CTNNA3: variants seen among roughly 807,000 people sequenced by gnomAD.
CTNNA3 encodes the protein catenin alpha-3.
CTNNA3 carries 76 observed loss-of-function variants against 95.7 expected under a neutral mutation model. That is an observed-to-expected ratio of 0.79 (90% CI 0.66 to 0.96). The LOEUF is 0.96. CTNNA3 is among the 40% of genes least tolerant of loss of function. The pLI is 0.00. For synonymous variants in CTNNA3, 431 were observed against 374.4 expected, an observed-to-expected ratio of 1.15 and a Z score of -1.74; for missense variants, 1,191 against 1,089.8, an observed-to-expected ratio of 1.09 and a Z score of -1.31.
At chr10:67,408,537 A>G (rs1484058277) in intron 5 of CTNNA3, among the ~76,000 whole-genome samples, 1 of 152,218 alleles carries the variant, frequency 6.6e-6, no homozygotes, top group Non-Finnish European at 1.5e-5. Context: ...AGCCCTATGT[A>G]GAAAATTAAA....
intron 15 of CTNNA3, among the ~76,000 whole-genome samples, chr10:66,068,690 T>C (rs974026403): frequency 3.3e-5 from 5 of 152,132 alleles, no homozygotes; most frequent in South Asian, 2.1e-4. Context: ...ACTGAATTAT[T>C]TTAGTTGTTA....
At chr10:66,749,202 C>CAAAAAA (rs35568730) in intron 9 of CTNNA3, among the ~76,000 whole-genome samples, 426 of 50,724 alleles carry the variant, frequency 8.4e-3, no homozygotes, top group Middle Eastern at 0.062. Context: ...AACTCCAACT[C>CAAAAAA]AAAAAAAAAA....
chr10:67,602,625 A>C (rs955934042), intron 3 of CTNNA3, among the ~76,000 whole-genome samples: 2 of 152,224 alleles, frequency 1.3e-5, no homozygotes, highest in Non-Finnish European at 2.9e-5. Context: ...TCTCTTTGAG[A>C]ACTTCTCTTT....
intron 12 of CTNNA3, among the ~76,000 whole-genome samples, chr10:66,329,400 G>A (rs2092297534): frequency 6.6e-6 from 1 of 151,986 alleles, no homozygotes; most frequent in South Asian, 2.1e-4. Context: ...TCAGCCAGAA[G>A]CACCCTTACA....
chr10:66,461,221 A>G (rs1354239108), intron 11 of CTNNA3, among the ~76,000 whole-genome samples: 1 of 152,116 alleles, frequency 6.6e-6, no homozygotes, highest in South Asian at 2.1e-4. Flanking sequence ...AGGGTATCTG[A>G]TAAAGACTGA....
intron 7 of CTNNA3, among the ~76,000 whole-genome samples, chr10:67,030,483 A>G (rs1469571142): frequency 6.6e-6 from 1 of 152,134 alleles, no homozygotes; most frequent in Non-Finnish European, 1.5e-5. Context: ...TAATATATTC[A>G]CACCCACACA....
Position 67,692,736 on chromosome 10 carries a change from T to TAAA in CTNNA3, c.-6+3261_-6+3263dup, listed in dbSNP as rs200961420. On this transcript the variant is annotated intron_variant, in intron 1 of 17. Coordinates refer to ENST00000433211, the MANE Select transcript of CTNNA3 (RefSeq NM_013266.4). Reference sequence around the variant, plus strand: ...GCGAGAAACACCCAAGAATGATCAATAAAAAAAAAAAAAAAAAAAAAAGTC... The same window carrying TAAA: ...GCGAGAAACACCCAAGAATGATCAATAAAAAAAAAAAAAAAAAAAAAAAAAGTC... Among the ~76,000 whole-genome samples the TAAA allele has an allele frequency of 2.4e-3, 190 of 80,758 alleles. 3 individuals are homozygous for TAAA. Among genetic ancestry groups the TAAA allele is most frequent in the Middle Eastern group, 7.5e-3 (1 of 134 alleles). 53.0% of individuals were successfully genotyped at this position (80,758 alleles called of 152,430 possible). A position where few individuals can be genotyped will look rare whatever the true frequency, so the allele number is the denominator to read the frequency against.
intron 13 of CTNNA3, among the ~76,000 whole-genome samples, chr10:66,230,209 T>A (rs891261139): frequency 1.1e-4 from 16 of 152,216 alleles, no homozygotes; most frequent in Non-Finnish European, 2.1e-4. Context: ...TAAATTTGGG[T>A]CTGTTACTGG....
At chr10:67,133,201 T>G (rs902545645) in intron 7 of CTNNA3, among the ~76,000 whole-genome samples, 1 of 150,084 alleles carries the variant, frequency 6.7e-6, no homozygotes, top group Admixed American at 6.7e-5. Flanking sequence ...GGTGAAACAT[T>G]GTATGTCAAT....
intron 1 of CTNNA3, among the ~76,000 whole-genome samples, chr10:67,652,552 T>C (rs566733312): frequency 6.6e-6 from 1 of 152,306 alleles, no homozygotes; most frequent in African/African-American, 2.4e-5. Context: ...ATGTATATAG[T>C]GAAACCAAGT....
intron 5 of CTNNA3, chr10:67,346,841 C>A: frequency 3.1e-6 from 1 of 323,226 alleles, no homozygotes. Context: ...CCACTGATAT[C>A]AATGCCACAT....
At chr10:66,003,523 G>T (rs747729827) in intron 15 of CTNNA3, among the ~76,000 whole-genome samples, 54 of 152,034 alleles carry the variant, frequency 3.6e-4, no homozygotes, top group Non-Finnish European at 6.3e-4. Flanking sequence ...ATTTCATGGA[G>T]GGGGAAAAAT....
intron 10 of CTNNA3, among the ~76,000 whole-genome samples, chr10:66,571,942 CA>C (rs1842878640): frequency 6.6e-6 from 1 of 152,138 alleles, no homozygotes. Context: ...AGTGTGTATT[CA>C]TACTAGTTGT....
At chr10:67,332,137 C>T (rs892396701) in intron 5 of CTNNA3, among the ~76,000 whole-genome samples, 3 of 152,094 alleles carry the variant, frequency 2.0e-5, no homozygotes, top group African/African-American at 4.8e-5. Flanking sequence ...GAGATGTAGA[C>T]AAAATATTTA....
At chr10:66,010,237 A>G (rs746929269) in intron 15 of CTNNA3, among the ~76,000 whole-genome samples, 1 of 152,190 alleles carries the variant, frequency 6.6e-6, no homozygotes, top group East Asian at 1.9e-4. Flanking sequence ...AATCAGTTCC[A>G]AATAGAAACT....
intron 11 of CTNNA3, among the ~76,000 whole-genome samples, chr10:66,468,759 C>A (rs1004922905): frequency 6.6e-6 from 1 of 151,564 alleles, no homozygotes; most frequent in East Asian, 1.9e-4. Context: ...GCCAATTATA[C>A]CTTAATAAAG....
intron 15 of CTNNA3, among the ~76,000 whole-genome samples, chr10:66,034,087 T>C (rs10996839): frequency 0.17 from 26,325 of 152,146 alleles, 2,433 homozygotes; most frequent in East Asian, 0.33. Context: ...TGAAATGATA[T>C]GACAATAAAT....
chr10:66,961,622 A>T (rs1434905108), intron 7 of CTNNA3, among the ~76,000 whole-genome samples: 1 of 152,094 alleles, frequency 6.6e-6, no homozygotes, highest in Non-Finnish European at 1.5e-5. Flanking sequence ...TACTACTGAT[A>T]TAGACAAATC....
At chr10:67,718,555 T>C (rs1009155870) in intron 1 of CTNNA3, among the ~76,000 whole-genome samples, 1 of 152,184 alleles carries the variant, frequency 6.6e-6, no homozygotes, top group African/African-American at 2.4e-5. Flanking sequence ...TCTGCATCTG[T>C]TGAGATAATC....
Sources: gnomAD v4.1 joint callset for allele counts (sites outside exome capture counted in the v4.1 genomes callset) on GRCh38, gnomAD v4.1.1 for gene constraint, MANE v1.5 for transcripts, NCBI Gene and HGNC (gene_info 2026-07-23, HGNC 2026-07-21) for gene names.